Variants in KRT80 observed in about 807,000 individuals in gnomAD.
KRT80 encodes the protein keratin, type II cytoskeletal 80.
KRT80 carries 36 observed loss-of-function variants against 51.5 expected under a neutral mutation model. That is an observed-to-expected ratio of 0.70 (90% CI 0.54 to 0.92). KRT80 has a LOEUF of 0.92. Ranked by LOEUF, KRT80 falls within the 40% of genes least tolerant of loss-of-function variation. KRT80 has a pLI of 0.00. For synonymous variants in KRT80, 235 were observed against 248.3 expected (o/e 0.95, Z 0.50); for missense variants, 566 against 591.7 (o/e 0.96, Z 0.45).
intron 4 of KRT80, among the ~76,000 whole-genome samples, chr12:52,176,733 G>A (rs138831698): frequency 6.9e-4 from 105 of 152,220 alleles, no homozygotes; most frequent in African/African-American, 2.0e-3. Flanking sequence ...CGCCCGCTTC[G>A]GCCTCCCAAA....
Sources: allele counts gnomAD v4.1 joint callset (sites outside exome capture counted in the v4.1 genomes callset), GRCh38; gene constraint gnomAD v4.1.1; transcripts MANE v1.5; gene names NCBI Gene and HGNC (gene_info 2026-07-23, HGNC 2026-07-21).